PCDHA9: variants seen among roughly 807,000 people sequenced by gnomAD.
The protein encoded by PCDHA9 is protocadherin alpha 9.
Under a neutral mutation model 62.0 loss-of-function variants are expected in PCDHA9, and 62 were observed. That is an observed-to-expected ratio of 1.00 (90% CI 0.81 to 1.23). The LOEUF (loss-of-function observed/expected upper bound fraction) is 1.23. Among genes scored for constraint, PCDHA9 ranks in the 50% most tolerant of loss-of-function variants. The pLI is 0.00. For synonymous variants in PCDHA9, 557 were observed against 567.6 expected, an observed-to-expected ratio of 0.98 and a Z score of 0.27; for missense variants, 1,205 against 1,249.8, an observed-to-expected ratio of 0.96 and a Z score of 0.54.
intron 1 of PCDHA9, chr5:140,861,384 C>G (rs1354784257): frequency 2.5e-5 from 11 of 437,330 alleles, no homozygotes; most frequent in African/African-American, 2.2e-4. Context: ...TGCGCAGGAC[C>G]TGGGTCTGGA....
At chr5:140,920,565 G>A (rs1225212458) in intron 1 of PCDHA9, among the ~76,000 whole-genome samples, 27 of 152,152 alleles carry the variant, frequency 1.8e-4, no homozygotes, top group Admixed American at 1.6e-3. Context: ...TGGCCCTTAG[G>A]CCAGGAGCAG....
rs145391750 is a variant in PCDHA9, at chr5:140,989,649, A to G, written c.2542+7086A>G. On this transcript the variant is annotated intron_variant, in intron 3 of 3. Coordinates refer to ENST00000532602, the MANE Select transcript of PCDHA9 (RefSeq NM_031857.2). ...GTGACAGCAAGGGTCTTTCATGGCA[A>G]TATTTTAAAAGAAACTCTGCCCAGA... 1.8e-3 allele frequency among the ~76,000 whole-genome samples: 268 copies of G among 152,316 alleles called. 1 individual carries two copies. The highest frequency in any genetic ancestry group is 6.3e-3 in the African/African-American group (263 of 41,564).
Position 141,010,780 on chromosome 5 carries a change from TGCAAAA to T in PCDHA9, c.*851_*856del, listed in dbSNP as rs1309288663. 1 of 153,816 alleles carries T rather than the reference TGCAAAA, an allele frequency of 6.5e-6. No homozygotes were observed. The highest frequency in any genetic ancestry group is 1.9e-4 in the East Asian group (1 of 5,188). The allele number at this position is 153,816 out of a possible 1,614,324, so 9.5% of individuals were successfully genotyped here. On this transcript the variant is annotated 3_prime_UTR_variant, in exon 4 of 4. Transcript: ENST00000532602. ...AGGCCAGATCCTTTTCCAATACTTATGCAAAAGCAAAAGAAAACCCCGACACCTCAC... is the reference window on the plus strand; with the variant it reads ...AGGCCAGATCCTTTTCCAATACTTATGCAAAAGAAAACCCCGACACCTCAC...
At chr5:140,856,778 C>T (rs782280474) in intron 1 of PCDHA9, 2 of 1,596,260 alleles carry the variant, frequency 1.3e-6, no homozygotes, top group Admixed American at 3.4e-5. Context: ...CTTTGACAGA[C>T]CGGTTTATGA....
At chr5:140,958,139 A>T (rs1196467618) in intron 1 of PCDHA9, among the ~76,000 whole-genome samples, 2 of 152,112 alleles carry the variant, frequency 1.3e-5, no homozygotes, top group African/African-American at 2.4e-5. Context: ...CAGTGTGTAT[A>T]TTTATATAGC....
In PCDHA9 at chr5:141,006,360, C is replaced by T. The variant is rs898915080; in HGVS notation, c.2543-3267C>T. ...CTGAGTAGCTGGGACTATAGGCGCC[C>T]ACCACCACGCCCGGCTAAGTTTTTT... On this transcript the variant is annotated intron_variant, in intron 3 of 3. Coordinates refer to ENST00000532602, the MANE Select transcript of PCDHA9 (RefSeq NM_031857.2). Among the ~76,000 whole-genome samples, 9 of 151,982 alleles carry T rather than the reference C, an allele frequency of 5.9e-5. 1 individual carries two copies. The highest frequency in any genetic ancestry group is 1.2e-4 in the Non-Finnish European group (8 of 67,998).
chr5:140,858,571 C>A lies in PCDHA9; in HGVS notation c.2394+7682C>A, dbSNP rs377514565. On this transcript the variant is annotated intron_variant, in intron 1 of 3. Transcript: ENST00000532602. ...TATGCTTGAATATTTCTAGTGATAC[C>A]TTTGTAATATAATTTATTCCAGGAG... 1.0e-4 allele frequency: 142 copies of A among 1,362,202 alleles called. 6 individuals carry two copies. The highest frequency in any genetic ancestry group is 1.4e-4 in the Non-Finnish European group (135 of 988,482). The allele number at this position is 1,362,202 out of a possible 1,614,324, so 84.4% of individuals were successfully genotyped here. A position where few individuals can be genotyped will look rare whatever the true frequency, so the allele number is the denominator to read the frequency against.
At chr5:140,937,328 C>T (rs191377007) in intron 1 of PCDHA9, among the ~76,000 whole-genome samples, 9 of 152,066 alleles carry the variant, frequency 5.9e-5, no homozygotes, top group Admixed American at 5.2e-4. Context: ...TGAGCCACCG[C>T]GCCCGGCTTC....
chr5:140,917,942 A>G (rs781844380), intron 1 of PCDHA9, among the ~76,000 whole-genome samples: 5 of 152,048 alleles, frequency 3.3e-5, no homozygotes, highest in African/African-American at 4.8e-5. Flanking sequence ...TAATATTGGT[A>G]GTTTGATAGG....
In PCDHA9 at chr5:140,943,486, T is replaced by C. The variant is rs573341102; in HGVS notation, c.2395-35463T>C. Among the ~76,000 whole-genome samples the C allele has an allele frequency of 2.6e-5, 4 of 152,178 alleles. No homozygotes were observed. The South Asian group carries it at 8.3e-4, about 32-fold the overall frequency. Reference sequence around the variant, plus strand: ...GTGGGAGATACAGTAAAATAATAAATAGATGCTATCAAGGTTCATGGAAAT... The same window carrying C: ...GTGGGAGATACAGTAAAATAATAAACAGATGCTATCAAGGTTCATGGAAAT... On this transcript the variant is annotated intron_variant, in intron 1 of 3. Coordinates refer to ENST00000532602, the MANE Select transcript of PCDHA9 (RefSeq NM_031857.2).
rs1554205452 is a variant in PCDHA9 at position 140,928,080 on chromosome 5, C to T, written c.2395-50869C>T. ...CGGCTTCCTTTGACAACTACTACAG[C>T]CTGCTGATTGATGGGCCCCTGGACC... On this transcript the variant is annotated intron_variant, in intron 1 of 3. Transcript: ENST00000532602. The T allele has an allele frequency of 2.5e-6, 4 of 1,614,072 alleles. No homozygotes were observed. The African/African-American group carries it at 4.0e-5, about 16-fold the overall frequency.
intron 3 of PCDHA9, among the ~76,000 whole-genome samples, chr5:140,999,495 A>G (rs868986339): frequency 6.6e-6 from 1 of 152,142 alleles, no homozygotes; most frequent in South Asian, 2.1e-4. Flanking sequence ...TATGTTACCC[A>G]AGAACCTACA....
intron 1 of PCDHA9, among the ~76,000 whole-genome samples, chr5:140,951,817 C>T (rs981107617): frequency 6.6e-6 from 1 of 152,146 alleles, no homozygotes; most frequent in Non-Finnish European, 1.5e-5. Flanking sequence ...CCCTCAAAGT[C>T]TGAACTCATT....
At chr5:140,954,086 C>T (rs2094976679) in intron 1 of PCDHA9, among the ~76,000 whole-genome samples, 1 of 152,212 alleles carries the variant, frequency 6.6e-6, no homozygotes, top group African/African-American at 2.4e-5. Context: ...CTTCCAGCTC[C>T]ATCCATGTCC....
chr5:140,904,700 C>A (rs1228017325), intron 1 of PCDHA9, among the ~76,000 whole-genome samples: 1 of 152,028 alleles, frequency 6.6e-6, no homozygotes, highest in Non-Finnish European at 1.5e-5. Flanking sequence ...AAATTGTTCC[C>A]TTTTCACCAC....
chr5:140,863,068 C>A, intron 1 of PCDHA9: 1 of 567,906 alleles, frequency 1.8e-6, no homozygotes. Context: ...CCACGTGGGG[C>A]TCTGCACGGG....
intron 1 of PCDHA9, among the ~76,000 whole-genome samples, chr5:140,911,590 C>A (rs778543832): frequency 3.3e-5 from 5 of 152,156 alleles, no homozygotes; most frequent in Non-Finnish European, 4.4e-5. Context: ...TAGGAGGAAC[C>A]AACCAACTTC....
chr5:140,858,149 G>C, intron 1 of PCDHA9: 1 of 1,597,572 alleles, frequency 6.3e-7, no homozygotes, highest in Non-Finnish European at 8.6e-7. Context: ...CCTGATCATC[G>C]CCATCTGCGC....
At chr5:140,877,317 G>T (rs535177109) in intron 1 of PCDHA9, 2 of 1,614,004 alleles carry the variant, frequency 1.2e-6, no homozygotes, top group South Asian at 1.1e-5. Context: ...AACCGGCGGC[G>T]GTCGGCGCGC....
Sources: gnomAD v4.1 joint callset for allele counts (sites outside exome capture counted in the v4.1 genomes callset) on GRCh38, gnomAD v4.1.1 for gene constraint, MANE v1.5 for transcripts, NCBI Gene and HGNC (gene_info 2026-07-23, HGNC 2026-07-21) for gene names.